The following CSMD1 variants were observed in gnomAD, a reference collection of about 807,000 sequenced individuals.
The protein encoded by CSMD1 is CUB and sushi domain-containing protein 1.
In CSMD1, 213 loss-of-function variants were observed where a neutral mutation model predicts 417.5. The observed-to-expected ratio is 0.51, with a 90% CI of 0.46 to 0.57. The LOEUF is 0.57. Ranked by LOEUF, CSMD1 falls within the 20% of genes least tolerant of loss-of-function variation. The pLI is 0.00. For synonymous variants in CSMD1, 2,862 were observed against 1,736.8 expected (o/e 1.65, Z -16.11); for missense variants, 6,923 against 4,529.7 (o/e 1.53, Z -15.17).
intron 1 of CSMD1, among the ~76,000 whole-genome samples, chr8:4,928,661 C>G (rs766104810): frequency 2.6e-5 from 4 of 152,136 alleles, no homozygotes; most frequent in Admixed American, 2.6e-4. Context: ...CATTGTTACT[C>G]AGGGTTTTAA....
intron 3 of CSMD1, among the ~76,000 whole-genome samples, chr8:4,126,673 G>C (rs187442623): frequency 6.6e-6 from 1 of 152,116 alleles, no homozygotes; most frequent in African/African-American, 2.4e-5. Context: ...TAGATTCTGA[G>C]GGTTTATTAA....
intron 5 of CSMD1, among the ~76,000 whole-genome samples, chr8:3,928,978 G>C (rs531524330): frequency 6.6e-6 from 1 of 150,426 alleles, no homozygotes; most frequent in African/African-American, 2.5e-5. Context: ...TAAAACAATT[G>C]GTTGTCATTG....
intron 2 of CSMD1, among the ~76,000 whole-genome samples, chr8:4,577,344 G>C (rs117070171): frequency 0.019 from 2,944 of 152,260 alleles, 43 homozygotes; most frequent in Non-Finnish European, 0.027. Flanking sequence ...ATATTTAGGA[G>C]AGCTTATTTC....
At chr8:4,820,653 G>A (rs969610652) in intron 1 of CSMD1, among the ~76,000 whole-genome samples, 3 of 152,174 alleles carry the variant, frequency 2.0e-5, no homozygotes, top group African/African-American at 4.8e-5. Context: ...AATGATTCAA[G>A]CCTGTGCTTT....
intron 3 of CSMD1, among the ~76,000 whole-genome samples, chr8:4,108,860 A>C (rs1198169477): frequency 5.3e-5 from 8 of 152,224 alleles, no homozygotes; most frequent in Admixed American, 5.2e-4. Context: ...ACATCAGCCT[A>C]TCTGCAAGAA....
At chr8:3,935,672 G>A (rs1374437584) in intron 5 of CSMD1, among the ~76,000 whole-genome samples, 1 of 152,142 alleles carries the variant, frequency 6.6e-6, no homozygotes, top group East Asian at 1.9e-4. Context: ...ATAAATGTGT[G>A]TGTTCTGACT....
chr8:3,709,039 G>A lies in CSMD1; in HGVS notation c.932-548C>T, dbSNP rs796564868. Among the ~76,000 whole-genome samples the A allele has an allele frequency of 2.6e-5, 4 of 152,138 alleles. No individual in the cohort carries two copies. The South Asian group carries it at 6.2e-4, about 24-fold the overall frequency. Reference sequence around the variant, plus strand: ...CTAGACACCACCAGTCCCTCCAGACGCTTTCCAGGCTGTGCAAAAGGCACA... The same window carrying A: ...CTAGACACCACCAGTCCCTCCAGACACTTTCCAGGCTGTGCAAAAGGCACA... On this transcript the variant is annotated intron_variant, in intron 6 of 69. Coordinates refer to ENST00000635120, the MANE Select transcript of CSMD1 (RefSeq NM_033225.6).
At chr8:2,943,456 G>A (rs1320741745) in intron 68 of CSMD1, among the ~76,000 whole-genome samples, 2 of 152,090 alleles carry the variant, frequency 1.3e-5, no homozygotes, top group Non-Finnish European at 2.9e-5. Flanking sequence ...TTGAACTCCT[G>A]ACTTCAAATG....
At chr8:3,674,778 A>G (rs965893917) in intron 7 of CSMD1, among the ~76,000 whole-genome samples, 2 of 152,194 alleles carry the variant, frequency 1.3e-5, no homozygotes, top group Non-Finnish European at 2.9e-5. Context: ...AAAGGTAACT[A>G]TAGTTTTCAA....
intron 1 of CSMD1, among the ~76,000 whole-genome samples, chr8:4,650,222 G>A (rs1310915108): frequency 3.3e-5 from 5 of 151,760 alleles, no homozygotes; most frequent in Non-Finnish European, 7.4e-5. Flanking sequence ...GCGGGCGCCT[G>A]TAGTCCCAGC....
At chr8:4,708,617 A>T (rs1330708536) in intron 1 of CSMD1, among the ~76,000 whole-genome samples, 2 of 152,150 alleles carry the variant, frequency 1.3e-5, no homozygotes, top group Non-Finnish European at 2.9e-5. Flanking sequence ...AGTTCATTGA[A>T]TGGTTAAATT....
intron 10 of CSMD1, among the ~76,000 whole-genome samples, chr8:3,567,830 G>A (rs1234064661): frequency 2.0e-5 from 3 of 152,136 alleles, no homozygotes; most frequent in African/African-American, 7.2e-5. Context: ...ACTATTTGCT[G>A]TATTAAATGA....
intron 5 of CSMD1, among the ~76,000 whole-genome samples, chr8:3,989,945 T>C (rs1347473318): frequency 2.6e-5 from 4 of 152,186 alleles, no homozygotes; most frequent in East Asian, 1.9e-4. Context: ...TAGATATTCA[T>C]GGCTTCAAGA....
At chr8:3,078,970 G>C (rs900191556) in intron 49 of CSMD1, among the ~76,000 whole-genome samples, 2 of 152,012 alleles carry the variant, frequency 1.3e-5, no homozygotes, top group Non-Finnish European at 2.9e-5. Context: ...CTTCAAAACG[G>C]GGGGGAGCAC....
chr8:4,278,882 G>C (rs1326340543), intron 3 of CSMD1, among the ~76,000 whole-genome samples: 4 of 152,148 alleles, frequency 2.6e-5, no homozygotes, highest in Non-Finnish European at 4.4e-5. Context: ...ATGTAATAAA[G>C]GGAGACTGCT....
At chr8:3,891,968 A>G (rs917778851) in intron 5 of CSMD1, among the ~76,000 whole-genome samples, 1 of 152,172 alleles carries the variant, frequency 6.6e-6, no homozygotes, top group East Asian at 1.9e-4. Context: ...CCAAAAGCAC[A>G]GCATCGGCTA....
chr8:4,039,463 T>G (rs952489816), intron 3 of CSMD1, among the ~76,000 whole-genome samples: 5 of 152,182 alleles, frequency 3.3e-5, no homozygotes, highest in African/African-American at 4.8e-5. Context: ...AACCTTACAT[T>G]TCTTCTCTTT....
intron 5 of CSMD1, among the ~76,000 whole-genome samples, chr8:3,908,988 G>A (rs2627415): frequency 0.9 from 137,371 of 152,190 alleles, 62,129 homozygotes; most frequent in East Asian, 0.97. Flanking sequence ...CACTACTACA[G>A]TGTTCTCCTT....
intron 52 of CSMD1, 55 bp from the exon 53 acceptor site, chr8:3,000,186 G>A: frequency 7.5e-7 from 1 of 1,327,206 alleles, no homozygotes; most frequent in African/African-American, 1.5e-5. Context: ...TATAAAAGTA[G>A]TACATTCACA....
Sources: gnomAD v4.1 joint callset for allele counts (sites outside exome capture counted in the v4.1 genomes callset) on GRCh38, gnomAD v4.1.1 for gene constraint, MANE v1.5 for transcripts, NCBI Gene and HGNC (gene_info 2026-07-23, HGNC 2026-07-21) for gene names.